The following TNFRSF10B variants were observed in gnomAD, a reference collection of about 807,000 sequenced individuals.
TNFRSF10B encodes the protein tumor necrosis factor receptor superfamily member 10B.
A neutral mutation model predicts 41.4 loss-of-function variants in TNFRSF10B; 35 were observed. The ratio of observed to expected loss-of-function variants is 0.85; its 90% CI spans 0.65 to 1.12. The LOEUF is 1.12. Ranked by LOEUF, TNFRSF10B falls within the 50% of genes most tolerant of loss-of-function variation. TNFRSF10B has a pLI of 0.00. For synonymous variants in TNFRSF10B, 230 were observed against 215.5 expected (o/e 1.07, Z -0.59); for missense variants, 584 against 552.7 (o/e 1.06, Z -0.57).
intron 1 of TNFRSF10B, chr8:23,068,245 G>GTC: frequency 6.0e-6 from 1 of 168,012 alleles, no homozygotes; most frequent in Non-Finnish European, 1.3e-5. Flanking sequence ...GGAACCACTG[G>GTC]GCCGCAGCGA....
chr8:23,051,787 C>T (rs1812527008), intron 1 of TNFRSF10B, among the ~76,000 whole-genome samples: 1 of 152,088 alleles, frequency 6.6e-6, no homozygotes, highest in Non-Finnish European at 1.5e-5. Flanking sequence ...TTCTGATCCG[C>T]CCACCTCGGC....
chr8:23,060,264 T>C (rs1440830372), intron 1 of TNFRSF10B, among the ~76,000 whole-genome samples: 1 of 152,236 alleles, frequency 6.6e-6, no homozygotes, highest in Non-Finnish European at 1.5e-5. Context: ...AAGAGTTCTA[T>C]AGCTTTAGCA....
In TNFRSF10B at chr8:23,056,201, A is replaced by G. The variant is rs1188879570; in HGVS notation, c.144+12550T>C. On this transcript the variant is annotated intron_variant, in intron 1 of 8. Transcript: ENST00000276431. The stretch of plus-strand genomic sequence containing the variant: ...CTGAAAGCAGAGTTTTCATGTTTAT[A>G]ATTTCACTGAAGCACATACTGTCCT... Among the ~76,000 whole-genome samples the G allele has an allele frequency of 2.8e-5, 4 of 144,624 alleles. No individual in the cohort carries two copies. In the East Asian group the frequency reaches 8.1e-4, roughly 29 times the overall value. The allele number at this position is 144,624 out of a possible 152,430, so 94.9% of individuals were successfully genotyped here.
In TNFRSF10B at chr8:23,020,706, TAAAAG is replaced by T. The variant is rs138865777; in HGVS notation, c.*1960_*1964del. The T allele has an allele frequency of 4.6e-3, 2,068 of 453,800 alleles. 33 individuals are homozygous for T. The highest frequency in any genetic ancestry group is 0.039 in the African/African-American group (1,931 of 50,048). 28.1% of individuals were successfully genotyped at this position (453,800 alleles called of 1,614,324 possible). A position where few individuals can be genotyped will look rare whatever the true frequency, so the allele number is the denominator to read the frequency against. On this transcript the variant is annotated 3_prime_UTR_variant, in exon 9 of 9. Coordinates refer to ENST00000276431, the MANE Select transcript of TNFRSF10B (RefSeq NM_003842.5). ...GATTCTGTCTCAAAAAAATTAAAAA[TAAAAG>T]AAAAATCTTAAACACTGATAAGGCT... is the stretch of plus-strand genomic sequence containing the variant.
chr8:23,048,922 A>G (rs1812440893), intron 1 of TNFRSF10B, among the ~76,000 whole-genome samples: 1 of 152,206 alleles, frequency 6.6e-6, no homozygotes, highest in Non-Finnish European at 1.5e-5. Context: ...AATTTACAAT[A>G]AAAATTTTTA....
At chr8:23,029,477 G>C in intron 4 of TNFRSF10B, 133 bp downstream of exon 4, 1 of 831,036 alleles carries the variant, frequency 1.2e-6, no homozygotes, top group Non-Finnish European at 2.0e-6. Context: ...GACACGCAGA[G>C]GGACCAGGAG....
chr8:23,045,105 C>T, intron 1 of TNFRSF10B, among the ~76,000 whole-genome samples: 1 of 142,762 alleles, frequency 7.0e-6, no homozygotes, highest in Non-Finnish European at 1.5e-5. Flanking sequence ...AGGTGTGCAT[C>T]TGTAATCCCA....
rs549694720 is a variant in TNFRSF10B at position 23,021,567 on chromosome 8, A to G, written c.*1104T>C. 44 of 454,130 alleles carry G rather than the reference A, an allele frequency of 9.7e-5. No homozygotes were observed. Among genetic ancestry groups the G allele is most frequent in the South Asian group, 6.8e-4 (44 of 64,478 alleles). 28.1% of individuals were successfully genotyped at this position (454,130 alleles called of 1,614,324 possible). ...CCTATTGTTATGTGTGATCTAACCC[A>G]TCTGCCTCTGTCCCAGCCTGTCCAT... On this transcript the variant is annotated 3_prime_UTR_variant, in exon 9 of 9. Transcript: ENST00000276431.
intron 2 of TNFRSF10B, among the ~76,000 whole-genome samples, chr8:23,038,079 T>C (rs994637431): frequency 6.6e-6 from 1 of 152,204 alleles, no homozygotes; most frequent in African/African-American, 2.4e-5. Flanking sequence ...CAAACCCTGC[T>C]GGCTGGATTG....
At chr8:23,044,706 ATGT>A (rs1227779498) in intron 1 of TNFRSF10B, among the ~76,000 whole-genome samples, 1 of 152,170 alleles carries the variant, frequency 6.6e-6, no homozygotes, top group African/African-American at 2.4e-5. Flanking sequence ...ACAAGACTTA[ATGT>A]TGTACCTCAA....
At chr8:23,049,120 T>A (rs1344644098) in intron 1 of TNFRSF10B, among the ~76,000 whole-genome samples, 1 of 152,132 alleles carries the variant, frequency 6.6e-6, no homozygotes, top group Non-Finnish European at 1.5e-5. Flanking sequence ...TTGGTGGGAA[T>A]GTAAAACACA....
intron 2 of TNFRSF10B, among the ~76,000 whole-genome samples, chr8:23,034,362 A>G (rs1354852638): frequency 6.6e-6 from 1 of 152,218 alleles, no homozygotes; most frequent in Non-Finnish European, 1.5e-5. Context: ...ATGTGAAGTG[A>G]AGACTATTAT....
intron 7 of TNFRSF10B, among the ~76,000 whole-genome samples, chr8:23,026,059 G>GA (rs1165910084): frequency 1.3e-5 from 2 of 152,066 alleles, no homozygotes; most frequent in African/African-American, 4.8e-5. Flanking sequence ...CCAGGTGATA[G>GA]AGCAAGATCC....
At chr8:23,063,009 G>A (rs1291202803) in intron 1 of TNFRSF10B, among the ~76,000 whole-genome samples, 1 of 152,138 alleles carries the variant, frequency 6.6e-6, no homozygotes, top group Non-Finnish European at 1.5e-5. Context: ...TTCTTTATAT[G>A]TGCATTCATA....
At position 23,067,839 on chromosome 8, in the gene TNFRSF10B, AG is replaced by A. The variant is rs140487736; in HGVS notation, c.144+911del. Among the ~76,000 whole-genome samples the A allele has an allele frequency of 1.3e-3, 203 of 152,020 alleles. 2 individuals are homozygous for A. In the East Asian group the frequency reaches 0.03, roughly 22 times the overall value. The stretch of plus-strand genomic sequence containing the variant: ...CTTCCAGCCCCTCTGTACAGTCTTG[AG>A]TTAGGTCTAGGCCCACACACTTCCC... On this transcript the variant is annotated intron_variant, in intron 1 of 8. Coordinates refer to ENST00000276431, the MANE Select transcript of TNFRSF10B (RefSeq NM_003842.5).
rs1382421105 is a variant in TNFRSF10B, at chr8:23,020,706, T to G, written c.*1965A>C. 5 of 453,800 alleles carry G rather than the reference T, an allele frequency of 1.1e-5. No homozygotes were observed. Among genetic ancestry groups the G allele is most frequent in the East Asian group, 7.0e-5 (1 of 14,378 alleles). 28.1% of individuals were successfully genotyped at this position (453,800 alleles called of 1,614,324 possible). On this transcript the variant is annotated 3_prime_UTR_variant, in exon 9 of 9. Coordinates refer to ENST00000276431, the MANE Select transcript of TNFRSF10B (RefSeq NM_003842.5). ...GATTCTGTCTCAAAAAAATTAAAAATAAAAGAAAAATCTTAAACACTGATA... is the reference window on the plus strand; with the variant it reads ...GATTCTGTCTCAAAAAAATTAAAAAGAAAAGAAAAATCTTAAACACTGATA...
At chr8:23,049,110 T>C (rs868700134) in intron 1 of TNFRSF10B, among the ~76,000 whole-genome samples, 33 of 152,212 alleles carry the variant, frequency 2.2e-4, no homozygotes, top group Middle Eastern at 3.4e-3. Context: ...TCGTGCCCTG[T>C]TGGTGGGAAT....
intron 1 of TNFRSF10B, among the ~76,000 whole-genome samples, chr8:23,045,964 C>T (rs1456163513): frequency 6.6e-6 from 1 of 152,142 alleles, no homozygotes; most frequent in Non-Finnish European, 1.5e-5. Context: ...ATATGACAAG[C>T]TTACAGCTAA....
chr8:23,028,775 G>T (rs1399265028), intron 4 of TNFRSF10B, among the ~76,000 whole-genome samples, 173 bp from the exon 5 acceptor site: 1 of 152,222 alleles, frequency 6.6e-6, no homozygotes, highest in East Asian at 1.9e-4. Flanking sequence ...CTGGGGAAGG[G>T]TCTGAGCATG....
Sources: gnomAD v4.1 joint callset for allele counts (sites outside exome capture counted in the v4.1 genomes callset) on GRCh38, gnomAD v4.1.1 for gene constraint, MANE v1.5 for transcripts, NCBI Gene and HGNC (gene_info 2026-07-23, HGNC 2026-07-21) for gene names.